The following TAFA2 variants were observed in gnomAD, a reference collection of about 807,000 sequenced individuals.
The protein encoded by TAFA2 is chemokine-like protein TAFA-2.
A neutral mutation model predicts 18.8 loss-of-function variants in TAFA2; 7 were observed. That is an observed-to-expected ratio of 0.37 (90% confidence interval 0.21 to 0.70). TAFA2 has a LOEUF of 0.70. Among genes scored for constraint, TAFA2 ranks in the 30% least tolerant of loss-of-function variants. TAFA2 has a pLI of 0.53. For synonymous variants in TAFA2, 60 were observed against 54.2 expected, an observed-to-expected ratio of 1.11 and a Z score of -0.47; for missense variants, 122 against 158.1, an observed-to-expected ratio of 0.77 and a Z score of 1.23.
At chr12:62,104,261 GC>G (rs1869343533) in intron 1 of TAFA2, among the ~76,000 whole-genome samples, 1 of 122,678 alleles carries the variant, frequency 8.2e-6, no homozygotes, top group Non-Finnish European at 1.7e-5. Flanking sequence ...AATTTGGAAT[GC>G]TGTTCTTCTG....
At chr12:61,743,367 T>C (rs1868546029) in intron 4 of TAFA2, among the ~76,000 whole-genome samples, 1 of 152,120 alleles carries the variant, frequency 6.6e-6, no homozygotes, top group African/African-American at 2.4e-5. Context: ...GTTATTACTA[T>C]AGCCTTAGTT....
At chr12:61,931,164 T>C (rs960812601) in intron 1 of TAFA2, among the ~76,000 whole-genome samples, 17 of 152,226 alleles carry the variant, frequency 1.1e-4, no homozygotes, top group African/African-American at 4.1e-4. Flanking sequence ...GTGATTAAAG[T>C]GTATTACCTG....
At chr12:61,911,394 C>A (rs146853399) in intron 1 of TAFA2, among the ~76,000 whole-genome samples, 1 of 152,220 alleles carries the variant, frequency 6.6e-6, no homozygotes, top group Non-Finnish European at 1.5e-5. Context: ...CTCATTATTC[C>A]CGTATCAAGC....
At chr12:62,070,957 A>T (rs1239946060) in intron 1 of TAFA2, among the ~76,000 whole-genome samples, 1 of 152,202 alleles carries the variant, frequency 6.6e-6, no homozygotes, top group East Asian at 1.9e-4. Flanking sequence ...CCATCACTTA[A>T]TGCCCTTACA....
intron 1 of TAFA2, among the ~76,000 whole-genome samples, chr12:62,027,130 CAA>C (rs1421819822): frequency 6.6e-5 from 10 of 151,990 alleles, no homozygotes; most frequent in Non-Finnish European, 1.5e-5. Flanking sequence ...TAAAATTAGA[CAA>C]AGTCATTTAA....
chr12:61,865,445 G>A (rs886382852), intron 2 of TAFA2, among the ~76,000 whole-genome samples: 2 of 152,148 alleles, frequency 1.3e-5, no homozygotes, highest in African/African-American at 2.4e-5. Context: ...AAAGATGGAG[G>A]AGGGGAGAAA....
chr12:61,910,992 C>T (rs1474079055), intron 1 of TAFA2, among the ~76,000 whole-genome samples: 2 of 152,158 alleles, frequency 1.3e-5, no homozygotes, highest in Non-Finnish European at 2.9e-5. Flanking sequence ...AAGTAATTTG[C>T]CTGCTCGTTC....
chr12:61,999,428 T>A (rs1417739404), intron 1 of TAFA2, among the ~76,000 whole-genome samples: 1 of 152,184 alleles, frequency 6.6e-6, no homozygotes, highest in Non-Finnish European at 1.5e-5. Flanking sequence ...TTTAAAGTCT[T>A]GCATAAGATT....
chr12:62,259,247 G>A (rs1225963181), upstream of TAFA2, among the ~76,000 whole-genome samples: 1 of 152,056 alleles, frequency 6.6e-6, no homozygotes, highest in Non-Finnish European at 1.5e-5. Flanking sequence ...CATCATGCTC[G>A]GGAATACTTA....
In TAFA2 at chr12:61,825,942, T is replaced by C. The variant is rs536245594; in HGVS notation, c.106+41378A>G. ...TGTAAAAATGGAACATAACCAAAACTGTGATGAATGAAACAACTGATGAAA... is the reference window on the plus strand; with the variant it reads ...TGTAAAAATGGAACATAACCAAAACCGTGATGAATGAAACAACTGATGAAA... On this transcript the variant is annotated intron_variant, in intron 2 of 4. Transcript: ENST00000416284. 2.0e-5 allele frequency among the ~76,000 whole-genome samples: 3 copies of C among 152,156 alleles called. No individual in the cohort carries two copies. The South Asian group carries it at 6.2e-4, about 32-fold the overall frequency.
chr12:61,718,192 C>T (rs141348281), intron 4 of TAFA2, among the ~76,000 whole-genome samples: 1 of 152,232 alleles, frequency 6.6e-6, no homozygotes, highest in African/African-American at 2.4e-5. Context: ...ACAGATGGAC[C>T]TGCGCTGTTT....
At chr12:62,048,501 C>T (rs1263081775) in intron 1 of TAFA2, among the ~76,000 whole-genome samples, 1 of 152,100 alleles carries the variant, frequency 6.6e-6, no homozygotes, top group Non-Finnish European at 1.5e-5. Flanking sequence ...AAAGCCTAAC[C>T]ATATCAATAC....
intron 1 of TAFA2, among the ~76,000 whole-genome samples, chr12:62,008,563 TTCTAAG>T (rs1880632896): frequency 6.6e-6 from 1 of 152,198 alleles, no homozygotes; most frequent in Non-Finnish European, 1.5e-5. Context: ...CTAAGTCTAA[TTCTAAG>T]TCTAATACCT....
chr12:62,204,531 A>G (rs1264185916), intron 1 of TAFA2, among the ~76,000 whole-genome samples: 1 of 151,598 alleles, frequency 6.6e-6, no homozygotes, highest in Non-Finnish European at 1.5e-5. Context: ...ATTACTTTTT[A>G]TTCTTTTTTT....
chr12:62,258,010 T>A (rs6581444), intron 1 of TAFA2, among the ~76,000 whole-genome samples: 50,164 of 152,018 alleles, frequency 0.33, 8,722 homozygotes, highest in African/African-American at 0.45. Flanking sequence ...ATAGAAAAAT[T>A]GAAGTTTACC....
At chr12:62,052,923 T>A (rs1232716567) in intron 1 of TAFA2, among the ~76,000 whole-genome samples, 1 of 152,244 alleles carries the variant, frequency 6.6e-6, no homozygotes, top group East Asian at 1.9e-4. Flanking sequence ...GTCAGTTCAT[T>A]CTGACCTTTT....
At chr12:61,720,660 T>C (rs745699504) in intron 4 of TAFA2, 2 of 300,970 alleles carry the variant, frequency 6.6e-6, no homozygotes, top group Non-Finnish European at 1.3e-5. Flanking sequence ...TAGGTCACAG[T>C]TAATCCTGTT....
intron 1 of TAFA2, among the ~76,000 whole-genome samples, chr12:62,008,379 T>C (rs191083370): frequency 1.3e-5 from 2 of 152,298 alleles, no homozygotes; most frequent in Admixed American, 6.5e-5. Context: ...ATAGTTTCTA[T>C]ACTTTTTAAA....
At chr12:62,147,880 C>T (rs888243445) in intron 1 of TAFA2, among the ~76,000 whole-genome samples, 7 of 151,316 alleles carry the variant, frequency 4.6e-5, no homozygotes, top group Non-Finnish European at 7.4e-5. Flanking sequence ...AAAAAATAAC[C>T]GCAATAAGAA....
Sources: allele counts gnomAD v4.1 joint callset (sites outside exome capture counted in the v4.1 genomes callset), GRCh38; gene constraint gnomAD v4.1.1; transcripts MANE v1.5; gene names NCBI Gene and HGNC (gene_info 2026-07-23, HGNC 2026-07-21).